Variants in HSPG2 observed in about 807,000 individuals in gnomAD.
The protein encoded by HSPG2 is heparan sulfate proteoglycan 2, also known as basement membrane-specific heparan sulfate proteoglycan core protein.
Under a neutral mutation model 526.6 loss-of-function variants are expected in HSPG2, and 278 were observed. The observed-to-expected ratio is 0.53, with a 90% CI of 0.48 to 0.58. The LOEUF is 0.58. Ranked by LOEUF, HSPG2 falls within the 20% of genes least tolerant of loss-of-function variation. The pLI, the probability that HSPG2 is intolerant of heterozygous loss-of-function variation, is 0.00. For synonymous variants in HSPG2, 2,465 were observed against 2,555.4 expected, an observed-to-expected ratio of 0.96 and a Z score of 1.07; for missense variants, 5,354 against 6,099.5, an observed-to-expected ratio of 0.88 and a Z score of 4.07.
rs751942981 is a variant in HSPG2 at position 21,848,982 on chromosome 1, C to T, written c.7496G>A (p.Gly2499Glu). 5 of 1,614,058 alleles carry T rather than the reference C, an allele frequency of 3.1e-6. No individual in the cohort carries two copies. Among genetic ancestry groups the T allele is most frequent in the Non-Finnish European group, 4.2e-6 (5 of 1,180,014 alleles). Residue 2499 changes from glycine to glutamate, a missense_variant, in exon 58 of 97, where the codon GGG becomes GAG. Coordinates refer to ENST00000374695, the MANE Select transcript of HSPG2 (RefSeq NM_005529.7). The surrounding 1 kb of genome is among the most constrained non-coding windows in gnomAD (Gnocchi z 4.9). ...GCCGACCACACGGCACACGTACTCCCCTGAATCAGCTGGGGTCACCTGGAG... is the reference window on the plus strand; with the variant it reads ...GCCGACCACACGGCACACGTACTCCTCTGAATCAGCTGGGGTCACCTGGAG... ...RLLQVTPADSGEYVCRVVGSS... is the reference protein window; with the variant it reads ...RLLQVTPADSEEYVCRVVGSS...
chr1:21,867,108 G>T (rs1322652490), intron 33 of HSPG2, among the ~76,000 whole-genome samples: 15 of 95,814 alleles, frequency 1.6e-4, no homozygotes, highest in East Asian at 1.2e-3. Context: ...GTCGCCCTAT[G>T]TTGCTCAGGC....
chr1:21,841,741 G>A, intron 69 of HSPG2, 68 bp from the exon 70 acceptor site: 1 of 1,594,584 alleles, frequency 6.3e-7, no homozygotes, highest in Non-Finnish European at 8.6e-7. Context: ...GGTGCTGCCA[G>A]CCTGTGCCCC....
Position 21,852,837 on chromosome 1 carries a change from G to A in HSPG2, c.6592-5C>T, listed in dbSNP as rs1354415864. 4 of 1,610,998 alleles carry A rather than the reference G, an allele frequency of 2.5e-6. No individual in the cohort carries two copies. The highest frequency in any genetic ancestry group is 2.5e-6 in the Non-Finnish European group (3 of 1,178,788). On this transcript the variant is annotated splice_polypyrimidine_tract_variant and splice_region_variant and intron_variant, in intron 51 of 96. Coordinates refer to ENST00000374695, the MANE Select transcript of HSPG2 (RefSeq NM_005529.7). ...CCGCAGCAGCGAGCCGTGGGTCTGT[G>A]TGCAAATGGGGTGGGTTGGGAGGGG...
In HSPG2 at chr1:21,898,554, C is replaced by T. The variant is rs553715060; in HGVS notation, c.64-2244G>A. 1.1e-4 allele frequency among the ~76,000 whole-genome samples: 17 copies of T among 152,346 alleles called. No homozygotes were observed. In the South Asian group the frequency reaches 3.5e-3, roughly 32 times the overall value. ...TCCCAGGAGGGTGGTCTTAGTTGTG[C>T]ATGTCCAGGGGATTCCCACAGTCCC... On this transcript the variant is annotated intron_variant, in intron 1 of 96. Coordinates refer to ENST00000374695, the MANE Select transcript of HSPG2 (RefSeq NM_005529.7). The surrounding 1 kb of genome is among the most constrained non-coding windows in gnomAD (Gnocchi z 4.0).
intron 1 of HSPG2, among the ~76,000 whole-genome samples, chr1:21,929,876 C>A (rs1253314251): frequency 1.3e-5 from 2 of 152,152 alleles, no homozygotes; most frequent in Non-Finnish European, 2.9e-5. Flanking sequence ...CCTCCGTGGT[C>A]CTAGCTTGAG....
chr1:21,842,242 A>T lies in HSPG2; in HGVS notation c.9049T>A (p.Tyr3017Asn). 1 of 1,613,608 alleles carries T rather than the reference A, an allele frequency of 6.2e-7. No homozygotes were observed. Among genetic ancestry groups the T allele is most frequent in the Non-Finnish European group, 8.5e-7 (1 of 1,179,890 alleles). The change falls in exon 68 of 97, where the codon TAC becomes AAC. Residue 3017 changes from tyrosine (Y) to asparagine (N), a missense_variant. Physicochemically the swap from Tyr to Asn is moderately radical, Grantham distance 143. Coordinates refer to ENST00000374695, the MANE Select transcript of HSPG2 (RefSeq NM_005529.7). Reference protein sequence around the residue: ...VTVPPSEGSSYRLRSPVISID... With the variant: ...VTVPPSEGSSNRLRSPVISID... ...CCATGGCATCTGCCATACTCACGGT[A>T]GGAAGACCCCTCACTGGGCGGGACG...
chr1:21,886,325 A>T (rs1242395906), intron 9 of HSPG2, among the ~76,000 whole-genome samples: 4 of 152,176 alleles, frequency 2.6e-5, no homozygotes, highest in Non-Finnish European at 4.4e-5. Context: ...GCTTAGAGCC[A>T]CAGAAAGGCG....
intron 33 of HSPG2, among the ~76,000 whole-genome samples, chr1:21,868,644 C>A (rs557607164): frequency 1.3e-5 from 2 of 152,270 alleles, no homozygotes; most frequent in East Asian, 3.9e-4. Context: ...CCCTCCCAGG[C>A]GAGACAGCTC....
chr1:21,840,102 T>A, intron 71 of HSPG2, 85 bp from the exon 72 acceptor site: 1 of 1,027,674 alleles, frequency 9.7e-7, no homozygotes, highest in East Asian at 2.4e-5. Flanking sequence ...TCTTCCCTAT[T>A]TCCTCTACCC....
intron 80 of HSPG2, 133 bp downstream of exon 80, chr1:21,833,135 G>C (rs2098011951): frequency 1.3e-6 from 1 of 781,168 alleles, no homozygotes; most frequent in Non-Finnish European, 2.2e-6. Context: ...AGGTCTGGGG[G>C]CTTCTGGAGA....
In HSPG2 at chr1:21,823,731, CT is replaced by C; in HGVS notation, c.12900-13del. 1.2e-6 allele frequency: 2 copies of C among 1,608,052 alleles called. No individual in the cohort carries two copies. Among genetic ancestry groups the C allele is most frequent in the Non-Finnish European group, 1.7e-6 (2 of 1,175,488 alleles). On this transcript the variant is annotated splice_polypyrimidine_tract_variant and intron_variant, in intron 95 of 96. Transcript: ENST00000374695. ...CTCTGCGGCCCTCCCTGCAGTGGAA[CT>C]GGGTCAGGCCCCTTTCCACAAACTT...
Position 21,887,126 on chromosome 1 carries a change from G to C in HSPG2, c.1078+89C>G. 6.8e-6 allele frequency: 10 copies of C among 1,473,580 alleles called. No individual in the cohort carries two copies. Among genetic ancestry groups the C allele is most frequent in the Non-Finnish European group, 8.4e-6 (9 of 1,069,310 alleles). The allele number at this position is 1,473,580 out of a possible 1,614,324, so 91.3% of individuals were successfully genotyped here. A position where few individuals can be genotyped will look rare whatever the true frequency, so the allele number is the denominator to read the frequency against. ...GGGAGGGGGGAAAGCGGAGGGGCAG[G>C]GTAGGGGCGGGGCAGGAGTGGAAGG... On this transcript the variant is annotated intron_variant, in intron 9 of 96. Transcript: ENST00000374695. This position sits in a 1 kb window ranked among gnomAD's most constrained non-coding sequence, Gnocchi z 5.0.
intron 6 of HSPG2, among the ~76,000 whole-genome samples, chr1:21,888,310 G>T (rs1377651389): frequency 1.3e-5 from 2 of 152,210 alleles, no homozygotes; most frequent in Admixed American, 6.5e-5. Flanking sequence ...CATGCCACAC[G>T]CATGCAACCA....
At chr1:21,915,542 G>C (rs1226525856) in intron 1 of HSPG2, among the ~76,000 whole-genome samples, 1 of 151,888 alleles carries the variant, frequency 6.6e-6, no homozygotes, top group East Asian at 1.9e-4. Flanking sequence ...GCAGAGAGAG[G>C]AGCAGCAAGA....
rs1187305670 is a variant in HSPG2 at position 21,859,111 on chromosome 1, A to G, written c.5293+455T>C. Among the ~76,000 whole-genome samples the G allele has an allele frequency of 6.6e-6, 1 of 151,824 alleles. No homozygotes were observed. Among genetic ancestry groups the G allele is most frequent in the Non-Finnish European group, 1.5e-5 (1 of 67,934 alleles). On this transcript the variant is annotated intron_variant, in intron 42 of 96. Transcript: ENST00000374695. This position sits in a 1 kb window ranked among gnomAD's most constrained non-coding sequence, Gnocchi z 5.3. ...TGCCCAGGCTGGAGTGCAGTGGCGC[A>G]ATCTTGGCTCACTGCAACCTCCACC... is the stretch of plus-strand genomic sequence containing the variant.
chr1:21,920,684 C>T (rs896782923), intron 1 of HSPG2, among the ~76,000 whole-genome samples: 1 of 152,202 alleles, frequency 6.6e-6, no homozygotes, highest in Non-Finnish European at 1.5e-5. Flanking sequence ...AACCATAGCC[C>T]CTGCTCTCCG....
At position 21,880,732 on chromosome 1, in the gene HSPG2, C is replaced by A; in HGVS notation, c.1922G>T (p.Gly641Val). 6.2e-7 allele frequency: 1 copy of A among 1,601,466 alleles called. No homozygotes were observed. Among genetic ancestry groups the A allele is most frequent in the East Asian group, 2.3e-5 (1 of 44,300 alleles). Residue 641 changes from glycine (G) to valine (V), a missense_variant, in exon 15 of 97, where the codon GGG (glycine) becomes GTG (valine). Coordinates refer to ENST00000374695, the MANE Select transcript of HSPG2 (RefSeq NM_005529.7). ...QRPDVVLMGA[G>V]YRLLSRGHTP... is the part of the protein sequence containing the mutation. ...GTGGCCTCGGGAGAGGAGGCGGTAC[C>A]CGGCACCCATGAGGACCACGTCCGG...
chr1:21,917,726 C>T (rs1238600886), intron 1 of HSPG2, among the ~76,000 whole-genome samples: 4 of 152,226 alleles, frequency 2.6e-5, no homozygotes, highest in Non-Finnish European at 4.4e-5. Flanking sequence ...CCATGCCCTT[C>T]GAGCTAATCT....
rs375223498 is a variant in HSPG2 at position 21,881,387 on chromosome 1, G to C, written c.1770C>G (p.Leu590=). 2 of 1,614,112 alleles carry C rather than the reference G, an allele frequency of 1.2e-6. No individual in the cohort carries two copies. The highest frequency in any genetic ancestry group is 1.7e-6 in the Non-Finnish European group (2 of 1,180,054). ...GCAGAGCCCAGAAGGAGTCGTGGAC[G>C]AGGAAGCGGCGGGACAGGTCGACTA... ...FQLVDLSRRF[L]VHDSFWALPE... The change falls in exon 14 of 97, where the codon CTC becomes CTG. Residue 590 remains leucine, a synonymous_variant. Coordinates refer to ENST00000374695, the MANE Select transcript of HSPG2 (RefSeq NM_005529.7).
Sources: allele counts gnomAD v4.1 joint callset (sites outside exome capture counted in the v4.1 genomes callset), GRCh38; gene constraint gnomAD v4.1.1; non-coding constraint Gnocchi (gnomAD v3.1); transcripts MANE v1.5; gene names NCBI Gene and HGNC (gene_info 2026-07-23, HGNC 2026-07-21).